Variants in FBXL13 observed in about 807,000 individuals in gnomAD.
The protein encoded by FBXL13 is F-box and leucine-rich repeat protein 13.
In FBXL13, 67 loss-of-function variants were observed where a neutral mutation model predicts 83.6. The ratio of observed to expected loss-of-function variants is 0.80; its 90% CI spans 0.66 to 0.98. The LOEUF (loss-of-function observed/expected upper bound fraction) is 0.98. FBXL13 is among the 50% of genes least tolerant of loss of function. The pLI is 0.00. For synonymous variants in FBXL13, 272 were observed against 299.5 expected, an observed-to-expected ratio of 0.91 and a Z score of 0.95; for missense variants, 822 against 866.5, an observed-to-expected ratio of 0.95 and a Z score of 0.64.
chr7:102,944,196 T>C (rs1457023929), intron 8 of FBXL13: 2 of 1,584,820 alleles, frequency 1.3e-6, no homozygotes, highest in Non-Finnish European at 1.7e-6. Context: ...TCAATAAATA[T>C]TTTCTGTTTC....
In FBXL13 at chr7:102,946,877, T is replaced by C. The variant is rs191519155; in HGVS notation, c.725-14944A>G. On this transcript the variant is annotated intron_variant, in intron 8 of 19. Transcript: ENST00000313221. ...TTTAGTAGAGACGGGGGTTTTGCCA[T>C]GTTGGTCAGGCTGGTCTCGAACTCT... Among the ~76,000 whole-genome samples the C allele has an allele frequency of 4.7e-4, 71 of 152,000 alleles. No individual in the cohort carries two copies. In the East Asian group the frequency reaches 0.013, roughly 27 times the overall value.
chr7:102,934,577 C>T, intron 8 of FBXL13: 1 of 1,613,944 alleles, frequency 6.2e-7, no homozygotes, highest in Non-Finnish European at 8.5e-7. Flanking sequence ...ACAATTGGAC[C>T]CGAAACCCCA....
At chr7:102,812,204 A>G (rs1240965866), downstream of FBXL13, among the ~76,000 whole-genome samples, 1 of 152,262 alleles carries the variant, frequency 6.6e-6, no homozygotes, top group Non-Finnish European at 1.5e-5. Context: ...ATAATATCAA[A>G]TAATGGTAAA....
At chr7:102,935,238 CTTTCTTTTTTTT>C (rs1820073752) in intron 8 of FBXL13, among the ~76,000 whole-genome samples, 2 of 84,472 alleles carry the variant, frequency 2.4e-5, no homozygotes, top group Non-Finnish European at 4.4e-5. Flanking sequence ...TTTTTTTTTT[CTTTCTTTTTTTT>C]TTTTTTTTTT....
intron 11 of FBXL13, among the ~76,000 whole-genome samples, chr7:102,910,240 C>T (rs570720139): frequency 4.6e-5 from 7 of 152,240 alleles, no homozygotes; most frequent in African/African-American, 1.4e-4. Context: ...AGGCTCTCTG[C>T]ACCATGTTGG....
At chr7:102,978,301 C>G (rs1827770541) in intron 6 of FBXL13, 1 of 151,920 alleles carries the variant, frequency 6.6e-6, no homozygotes, top group Non-Finnish European at 1.5e-5. Context: ...TCCCTTTTTT[C>G]TATAACCAAA....
chr7:102,982,977 T>C (rs2129483604), intron 6 of FBXL13, among the ~76,000 whole-genome samples: 1 of 152,312 alleles, frequency 6.6e-6, no homozygotes, highest in Non-Finnish European at 1.5e-5. Flanking sequence ...TCATTATCCA[T>C]TTCCACATAT....
intron 1 of FBXL13, among the ~76,000 whole-genome samples, chr7:103,056,971 T>C (rs944732313): frequency 6.6e-6 from 1 of 152,180 alleles, no homozygotes; most frequent in African/African-American, 2.4e-5. Flanking sequence ...TTGAGGACTG[T>C]GTATCCATGT....
In FBXL13 at chr7:102,938,023, A is replaced by G. The variant is rs140673714; in HGVS notation, c.725-6090T>C. Reference sequence around the variant, plus strand: ...ATCACTATGTATTTTTGCCTTAAATATCTAATGGCAAGAAAAAGAAATAAT... The same window carrying G: ...ATCACTATGTATTTTTGCCTTAAATGTCTAATGGCAAGAAAAAGAAATAAT... On this transcript the variant is annotated intron_variant, in intron 8 of 19. Coordinates refer to ENST00000313221, the Ensembl canonical transcript of FBXL13. Among the ~76,000 whole-genome samples, 8 of 152,362 alleles carry G rather than the reference A, an allele frequency of 5.3e-5. 1 individual carries two copies. In the East Asian group the frequency reaches 9.6e-4, roughly 18 times the overall value.
In FBXL13 at chr7:103,052,460, T is replaced by A. The variant is rs188062023; in HGVS notation, c.-1+3184A>T. On this transcript the variant is annotated intron_variant, in intron 2 of 19. Transcript: ENST00000313221. ...TTTTGCTTCTTTGTAAAAAAAAAAA[T>A]TTCATTTTTCTCTGACGGTGGAGGA... Among the ~76,000 whole-genome samples the A allele has an allele frequency of 5.0e-3, 756 of 152,080 alleles. 6 individuals carry two copies. Among genetic ancestry groups the A allele is most frequent in the African/African-American group, 0.017 (691 of 41,492 alleles).
intron 6 of FBXL13, among the ~76,000 whole-genome samples, chr7:102,981,662 C>T (rs1030953632): frequency 1.3e-5 from 2 of 152,128 alleles, no homozygotes; most frequent in Non-Finnish European, 2.9e-5. Context: ...TGGTGAGAGC[C>T]CACTTCCTGG....
At chr7:102,911,190 G>A (rs905163518) in intron 11 of FBXL13, among the ~76,000 whole-genome samples, 1 of 152,164 alleles carries the variant, frequency 6.6e-6, no homozygotes, top group Non-Finnish European at 1.5e-5. Flanking sequence ...TGTTTTGTAT[G>A]CATATCTGGG....
At chr7:102,955,524 A>G (rs942499833) in intron 8 of FBXL13, among the ~76,000 whole-genome samples, 1 of 152,120 alleles carries the variant, frequency 6.6e-6, no homozygotes, top group African/African-American at 2.4e-5. Flanking sequence ...AAGGCAAGAA[A>G]TAACTAAGAT....
chr7:102,919,562 T>C (rs1816582936), intron 10 of FBXL13, among the ~76,000 whole-genome samples: 1 of 152,184 alleles, frequency 6.6e-6, no homozygotes, highest in South Asian at 2.1e-4. Flanking sequence ...AAAAGGAAAG[T>C]CTTGCAAGCA....
At chr7:102,928,351 A>T (rs545598558) in intron 9 of FBXL13, among the ~76,000 whole-genome samples, 6 of 152,378 alleles carry the variant, frequency 3.9e-5, no homozygotes, top group African/African-American at 1.4e-4. Context: ...ATGACTTATG[A>T]ATTTGTCCAC....
intron 16 of FBXL13, among the ~76,000 whole-genome samples, chr7:102,871,769 A>G (rs974806893): frequency 2.6e-5 from 4 of 151,920 alleles, no homozygotes; most frequent in Non-Finnish European, 5.9e-5. Context: ...CGAGGTCCCC[A>G]TTTTCCACAA....
intron 6 of FBXL13, among the ~76,000 whole-genome samples, chr7:103,009,165 A>G (rs1041591815): frequency 2.0e-5 from 3 of 152,198 alleles, no homozygotes; most frequent in African/African-American, 7.2e-5. Flanking sequence ...GCTTAGAAAA[A>G]TAACTAAGAA....
At chr7:102,826,753 A>ATATATATATATATG (rs1213692767) in intron 18 of FBXL13, among the ~76,000 whole-genome samples, 14 of 112,248 alleles carry the variant, frequency 1.2e-4, no homozygotes, top group Admixed American at 2.1e-4. Context: ...ATATATATAT[A>ATATATATATATATG]TATATATATA....
intron 7 of FBXL13, among the ~76,000 whole-genome samples, chr7:102,964,752 T>G (rs1196189136): frequency 6.6e-6 from 1 of 152,134 alleles, no homozygotes; most frequent in Non-Finnish European, 1.5e-5. Context: ...CAATTCTACT[T>G]CTAAGAATTT....
Sources: allele counts gnomAD v4.1 joint callset (sites outside exome capture counted in the v4.1 genomes callset), GRCh38; gene constraint gnomAD v4.1.1; transcripts MANE v1.5; gene names NCBI Gene and HGNC (gene_info 2026-07-23, HGNC 2026-07-21).